The following FGF13 variants were observed in gnomAD, a reference collection of about 807,000 sequenced individuals.
FGF13 encodes fibroblast growth factor homologous factor 2.
A neutral mutation model predicts 19.5 loss-of-function variants in FGF13; 2 were observed. That is an observed-to-expected ratio of 0.10 (90% CI 0.04 to 0.32). The LOEUF is 0.32. FGF13 is among the 10% of genes least tolerant of loss of function. FGF13 has a pLI of 1.00. For missense variants in FGF13, 113 were observed against 192.7 expected (o/e 0.59, Z 2.45); for synonymous variants, 72 against 76.9 (o/e 0.94, Z 0.33).
chrX:138,996,532 T>G (rs1337112531), intron 1 of FGF13, among the ~76,000 whole-genome samples: 1 of 112,317 alleles, frequency 8.9e-6, no homozygotes, highest in Non-Finnish European at 1.9e-5. Flanking sequence ...TAGGCTTGAG[T>G]AGGCAGTTTT....
At chrX:138,925,046 T>C (rs2091665814) in intron 1 of FGF13, among the ~76,000 whole-genome samples, 2 of 111,446 alleles carry the variant, frequency 1.8e-5, no homozygotes, top group South Asian at 7.6e-4. Flanking sequence ...ATAAGCTTGC[T>C]TTGAGACATG....
intron 3 of FGF13, among the ~76,000 whole-genome samples, chrX:138,661,708 TA>T (rs769008343): frequency 8.9e-6 from 1 of 111,922 alleles, no homozygotes; most frequent in South Asian, 3.7e-4. Flanking sequence ...AGGTTAGAAA[TA>T]AGGGTATAGG....
At chrX:138,705,994 C>G (rs375801929) in intron 2 of FGF13, among the ~76,000 whole-genome samples, 371 of 112,445 alleles carry the variant, frequency 3.3e-3, no homozygotes, top group African/African-American at 0.011. Context: ...TGCATAAAAA[C>G]AAACACCTTC....
At chrX:138,841,699 G>A (rs1187015736) in intron 3 of FGF13, among the ~76,000 whole-genome samples, 6 of 111,159 alleles carry the variant, frequency 5.4e-5, no homozygotes, top group Non-Finnish European at 7.6e-5. Flanking sequence ...CATTAAATTA[G>A]CTAAGAGGTA....
chrX:138,749,851 T>C (rs2090384935), intron 3 of FGF13, among the ~76,000 whole-genome samples: 2 of 111,663 alleles, frequency 1.8e-5, no homozygotes, highest in South Asian at 7.5e-4. Flanking sequence ...ACACAATCCT[T>C]TATGCCATGG....
chrX:138,618,013 T>C lies in FGF13; in HGVS notation c.*14837A>G, dbSNP rs772993436. On this transcript the variant is annotated 3_prime_UTR_variant, in exon 5 of 5. Transcript: ENST00000315930. ...AACTCAACAATTCCAAAATAAACTTTATTCAAGGAAAAAAATAATTAAAAT... is the reference window on the plus strand; with the variant it reads ...AACTCAACAATTCCAAAATAAACTTCATTCAAGGAAAAAAATAATTAAAAT... The C allele has an allele frequency of 2.7e-5, 3 of 111,742 alleles. No homozygotes were observed. The highest frequency in any genetic ancestry group is 4.6e-3 in the Middle Eastern group (1 of 218). The allele number at this position is 111,742 out of a possible 1,213,427, so 9.2% of individuals were successfully genotyped here.
intron 1 of FGF13, among the ~76,000 whole-genome samples, chrX:139,002,308 G>A (rs2092076923): frequency 9.0e-6 from 1 of 111,067 alleles, no homozygotes; most frequent in South Asian, 3.8e-4. Context: ...CATGCACGTT[G>A]TACACATATA....
chrX:139,166,999 G>A (rs758192900), intron 1 of FGF13, among the ~76,000 whole-genome samples: 6 of 111,178 alleles, frequency 5.4e-5, no homozygotes, highest in Non-Finnish European at 7.5e-5. Flanking sequence ...CAAACTCATC[G>A]TCCTCTTTTA....
intron 1 of FGF13, among the ~76,000 whole-genome samples, chrX:139,070,902 C>T (rs745383407): frequency 1.8e-5 from 2 of 111,251 alleles, no homozygotes; most frequent in East Asian, 2.8e-4. Flanking sequence ...AAACCAAACA[C>T]CACATGTTCT....
At chrX:138,685,766 A>T (rs1267539616) in intron 3 of FGF13, among the ~76,000 whole-genome samples, 1 of 111,255 alleles carries the variant, frequency 9.0e-6, no homozygotes, top group Non-Finnish European at 1.9e-5. Flanking sequence ...TTTATAGCAA[A>T]GTTTATTTGG....
chrX:138,913,704 GGAAA>G (rs1299963624), intron 1 of FGF13, among the ~76,000 whole-genome samples: 1 of 91,563 alleles, frequency 1.1e-5, no homozygotes, highest in African/African-American at 3.9e-5. Context: ...AAGGAAGGAA[GGAAA>G]GAAAACTATC....
chrX:138,749,691 C>A (rs73241070), intron 3 of FGF13, among the ~76,000 whole-genome samples: 3,280 of 111,487 alleles, frequency 0.029, 58 homozygotes, highest in South Asian at 0.054. Flanking sequence ...CAAAGACATG[C>A]AGGCTTGGGA....
At chrX:138,800,540 C>T (rs889736914) in intron 3 of FGF13, among the ~76,000 whole-genome samples, 2 of 111,014 alleles carry the variant, frequency 1.8e-5, no homozygotes, top group African/African-American at 3.3e-5. Context: ...GAGAAACGGA[C>T]GATTATGTGT....
At chrX:138,903,161 C>A (rs1349783645) in intron 1 of FGF13, among the ~76,000 whole-genome samples, 1 of 111,761 alleles carries the variant, frequency 8.9e-6, no homozygotes, top group African/African-American at 3.3e-5. Context: ...GGTTGATATA[C>A]TACTGGATAA....
intron 1 of FGF13, among the ~76,000 whole-genome samples, chrX:138,737,217 G>A (rs2090283873): frequency 9.0e-6 from 1 of 111,285 alleles, no homozygotes; most frequent in Admixed American, 9.6e-5. Context: ...TAGAGAGCTT[G>A]TGGATGCGGT....
At chrX:138,828,378 C>T (rs1407983100) in intron 3 of FGF13, among the ~76,000 whole-genome samples, 1 of 109,898 alleles carries the variant, frequency 9.1e-6, no homozygotes. Flanking sequence ...ACCATCCTGG[C>T]TAACACGGTG....
rs796707487 is a variant in FGF13 at position 138,719,898 on chromosome X, C to A, written c.29-10970G>T. On this transcript the variant is annotated intron_variant, in intron 1 of 4. Transcript: ENST00000305414. ...TTAGAAACTGATTTCCTAACAGAAG[C>A]CTTGATGCTTACCTAATGATTTCAT... 2.7e-5 allele frequency among the ~76,000 whole-genome samples: 3 copies of A among 112,913 alleles called. No homozygotes were observed. In the South Asian group the frequency reaches 1.1e-3, roughly 41 times the overall value.
chrX:139,084,877 G>A (rs2083393898), intron 1 of FGF13, among the ~76,000 whole-genome samples: 1 of 111,822 alleles, frequency 8.9e-6, no homozygotes, highest in African/African-American at 3.3e-5. Context: ...CTTTGCCCCA[G>A]AACCTAATTC....
chrX:138,792,984 A>T (rs1259250804), intron 3 of FGF13, among the ~76,000 whole-genome samples: 3 of 111,864 alleles, frequency 2.7e-5, no homozygotes, highest in African/African-American at 9.8e-5. Flanking sequence ...ATAGGCTCTA[A>T]ATTCAAAAAC....
Sources: allele counts gnomAD v4.1 joint callset (sites outside exome capture counted in the v4.1 genomes callset), GRCh38; gene constraint gnomAD v4.1.1; transcripts MANE v1.5; gene names NCBI Gene and HGNC (gene_info 2026-07-23, HGNC 2026-07-21).